The following DSCAM variants were observed in gnomAD, a reference collection of about 807,000 sequenced individuals.
DSCAM encodes the protein DS cell adhesion molecule.
In DSCAM, 47 loss-of-function variants were observed where a neutral mutation model predicts 217.7. That is an observed-to-expected ratio of 0.22 (90% CI 0.17 to 0.28). The LOEUF is 0.28. Among genes scored for constraint, DSCAM ranks in the 10% least tolerant of loss-of-function variants. DSCAM has a pLI of 1.00. For missense variants in DSCAM, 2,080 were observed against 2,618.3 expected (o/e 0.79, Z 4.49); for synonymous variants, 1,056 against 1,015.3 (o/e 1.04, Z -0.76).
At chr21:40,825,145 G>A (rs2091957968) in intron 1 of DSCAM, among the ~76,000 whole-genome samples, 2 of 152,174 alleles carry the variant, frequency 1.3e-5, no homozygotes, top group Admixed American at 1.3e-4. Flanking sequence ...TATGGAGGGA[G>A]CAACTTACGT....
chr21:40,078,568 T>C (rs996899489), intron 26 of DSCAM, 119 bp downstream of exon 26: 116 of 1,340,886 alleles, frequency 8.7e-5, no homozygotes, highest in Middle Eastern at 2.7e-4. Flanking sequence ...GAAAGCCTAA[T>C]GGGCTCCGTG....
chr21:40,736,251 G>C (rs1172706184), intron 1 of DSCAM, among the ~76,000 whole-genome samples: 1 of 152,038 alleles, frequency 6.6e-6, no homozygotes, highest in Non-Finnish European at 1.5e-5. Flanking sequence ...ACCCACCCAG[G>C]AGCTCTCCTC....
intron 30 of DSCAM, 59 bp downstream of exon 30, chr21:40,051,899 A>G (rs1330702940): frequency 1.9e-6 from 3 of 1,546,268 alleles, no homozygotes; most frequent in African/African-American, 2.8e-5. Context: ...GAGAAAGAAC[A>G]TTACTATGTT....
rs188232379 is a variant in DSCAM at position 40,631,971 on chromosome 21, A to G, written c.508+60839T>C. On this transcript the variant is annotated intron_variant, in intron 3 of 32. Transcript: ENST00000400454. ...GCTTTCCTAGTAAAATGTGGGTACA[A>G]TTCTGACAAAGTCTGCCTCCCTGCG... Among the ~76,000 whole-genome samples the G allele has an allele frequency of 1.2e-4, 19 of 152,342 alleles. No individual in the cohort carries two copies. The East Asian group carries it at 3.7e-3, about 29-fold the overall frequency.
intron 3 of DSCAM, among the ~76,000 whole-genome samples, chr21:40,427,803 G>C (rs2075489955): frequency 1.3e-5 from 2 of 152,260 alleles, no homozygotes; most frequent in Admixed American, 1.3e-4. Flanking sequence ...GCCTGGTGCT[G>C]CTATGTCTTC....
chr21:40,058,999 G>A (rs931166902), intron 28 of DSCAM, among the ~76,000 whole-genome samples: 6 of 152,176 alleles, frequency 3.9e-5, no homozygotes, highest in East Asian at 1.9e-4. Context: ...GAGCAGAGAC[G>A]GTTTCATAGG....
At chr21:40,413,027 T>C (rs909557747) in intron 3 of DSCAM, among the ~76,000 whole-genome samples, 1 of 152,196 alleles carries the variant, frequency 6.6e-6, no homozygotes, top group African/African-American at 2.4e-5. Context: ...AGCTTCCACA[T>C]GGTGTTGACC....
chr21:40,427,377 A>G (rs775321691), intron 3 of DSCAM, among the ~76,000 whole-genome samples: 6 of 152,242 alleles, frequency 3.9e-5, no homozygotes, highest in Non-Finnish European at 8.8e-5. Context: ...GGCCATTCAT[A>G]TACTGACAAA....
intron 3 of DSCAM, among the ~76,000 whole-genome samples, chr21:40,660,532 C>T (rs543682547): frequency 2.0e-5 from 3 of 152,252 alleles, no homozygotes; most frequent in East Asian, 3.9e-4. Flanking sequence ...CCCAAATGGA[C>T]GTGAGGTTCT....
intron 3 of DSCAM, among the ~76,000 whole-genome samples, chr21:40,405,404 G>T (rs1312640469): frequency 1.3e-5 from 2 of 152,112 alleles, no homozygotes; most frequent in African/African-American, 4.8e-5. Flanking sequence ...TATGCTAAAA[G>T]TGGTCCCCAG....
In DSCAM at chr21:40,655,240, A is replaced by T. The variant is rs149224317; in HGVS notation, c.508+37570T>A. On this transcript the variant is annotated intron_variant, in intron 3 of 32. Coordinates refer to ENST00000400454, the MANE Select transcript of DSCAM (RefSeq NM_001389.5). Reference sequence around the variant, plus strand: ...TGTCTTAGTCCACATGTGCTGCTATAACAAAACACAAGAGACCAGGTCATT... The same window carrying T: ...TGTCTTAGTCCACATGTGCTGCTATTACAAAACACAAGAGACCAGGTCATT... Among the ~76,000 whole-genome samples the T allele has an allele frequency of 8.6e-3, 1,306 of 152,304 alleles. 12 individuals carry two copies. The highest frequency in any genetic ancestry group is 0.015 in the Non-Finnish European group (1,029 of 68,024).
At chr21:40,637,174 TATAA>T (rs1348978055) in intron 3 of DSCAM, among the ~76,000 whole-genome samples, 1 of 32,100 alleles carries the variant, frequency 3.1e-5, no homozygotes, top group Non-Finnish European at 5.1e-5. Context: ...TAAATATATA[TATAA>T]ATATATATAA....
At chr21:40,843,790 C>CTTT (rs56383167) in intron 1 of DSCAM, among the ~76,000 whole-genome samples, 16 of 118,970 alleles carry the variant, frequency 1.3e-4, no homozygotes, top group East Asian at 2.4e-4. Context: ...CTGACTTCTT[C>CTTT]TTTTTTTTTT....
At chr21:40,399,076 G>A (rs1218663936) in intron 3 of DSCAM, among the ~76,000 whole-genome samples, 1 of 152,150 alleles carries the variant, frequency 6.6e-6, no homozygotes, top group Non-Finnish European at 1.5e-5. Flanking sequence ...TTTGAGACCA[G>A]CCTGAGCAAC....
chr21:40,495,453 T>C (rs1332097826), intron 3 of DSCAM, among the ~76,000 whole-genome samples: 3 of 152,172 alleles, frequency 2.0e-5, no homozygotes, highest in African/African-American at 7.2e-5. Context: ...TCTCAATAGA[T>C]GCAGAAAAGG....
At chr21:40,844,761 G>GTCTGTATCAGAGGCTAATAA (rs2092130802) in intron 1 of DSCAM, among the ~76,000 whole-genome samples, 1 of 151,296 alleles carries the variant, frequency 6.6e-6, no homozygotes, top group African/African-American at 2.5e-5. Context: ...GAGGCTAATA[G>GTCTGTATCAGAGGCTAATAA]TCTGTATCAG....
intron 16 of DSCAM, among the ~76,000 whole-genome samples, chr21:40,160,415 A>C (rs922838214): frequency 1.5e-4 from 23 of 152,240 alleles, no homozygotes; most frequent in Non-Finnish European, 1.5e-5. Context: ...GTGATGAAAT[A>C]GTGTCAACTT....
At chr21:40,030,035 CACAAGTACACATGCATGG>C (rs1419456185) in intron 32 of DSCAM, among the ~76,000 whole-genome samples, 1 of 152,250 alleles carries the variant, frequency 6.6e-6, no homozygotes, top group Non-Finnish European at 1.5e-5. Context: ...CACATTCACA[CACAAGTACACATGCATGG>C]ACACATATAT....
intron 6 of DSCAM, 128 bp downstream of exon 6, chr21:40,347,542 A>G (rs1010816572): frequency 5.6e-6 from 7 of 1,246,628 alleles, no homozygotes; most frequent in Non-Finnish European, 7.8e-6. Flanking sequence ...ATTAGGGTAG[A>G]GTACTAGCTG....
Sources: gnomAD v4.1 joint callset for allele counts (sites outside exome capture counted in the v4.1 genomes callset) on GRCh38, gnomAD v4.1.1 for gene constraint, MANE v1.5 for transcripts, NCBI Gene and HGNC (gene_info 2026-07-23, HGNC 2026-07-21) for gene names.